LRRK1: variants seen among roughly 807,000 people sequenced by gnomAD.
The protein encoded by LRRK1 is leucine rich repeat kinase 1.
LRRK1 carries 113 observed loss-of-function variants against 209.1 expected under a neutral mutation model. That is an observed-to-expected ratio of 0.54 (90% CI 0.46 to 0.63). The LOEUF is 0.63. Ranked by LOEUF, LRRK1 falls within the 30% of genes least tolerant of loss-of-function variation. The pLI, the probability that LRRK1 is intolerant of heterozygous loss-of-function variation, is 0.00. For missense variants in LRRK1, 2,284 were observed against 2,632.2 expected (o/e 0.87, Z 2.89); for synonymous variants, 1,144 against 1,099.7 (o/e 1.04, Z -0.80).
chr15:101,066,913 C>G (rs8036105), intron 33 of LRRK1, among the ~76,000 whole-genome samples, 172 bp downstream of exon 33: 5,175 of 152,314 alleles, frequency 0.034, 169 homozygotes, highest in African/African-American at 0.085. Context: ...CAGACAGCTC[C>G]TAGGGGCTCC....
chr15:100,951,646 T>G (rs2042654055), intron 2 of LRRK1, among the ~76,000 whole-genome samples: 1 of 152,126 alleles, frequency 6.6e-6, no homozygotes, highest in Non-Finnish European at 1.5e-5. Context: ...AAGTATGAAT[T>G]AATACTTAAT....
intron 10 of LRRK1, among the ~76,000 whole-genome samples, chr15:101,012,363 T>G (rs1199770752): frequency 6.6e-6 from 1 of 152,198 alleles, no homozygotes; most frequent in African/African-American, 2.4e-5. Flanking sequence ...GGTGGGGTTA[T>G]GGTTCGTATC....
chr15:101,003,297 A>G (rs2032791164), intron 6 of LRRK1, among the ~76,000 whole-genome samples: 2 of 152,156 alleles, frequency 1.3e-5, no homozygotes, highest in Non-Finnish European at 2.9e-5. Context: ...TGAGTTTATC[A>G]GATGTCAGTC....
chr15:100,959,969 C>T (rs2042842706), intron 2 of LRRK1, among the ~76,000 whole-genome samples: 1 of 152,072 alleles, frequency 6.6e-6, no homozygotes, highest in African/African-American at 2.4e-5. Flanking sequence ...TTTCCTTGCA[C>T]TCATTTTTGT....
intron 6 of LRRK1, among the ~76,000 whole-genome samples, chr15:100,998,483 T>C (rs2032531570): frequency 6.6e-6 from 1 of 152,196 alleles, no homozygotes; most frequent in African/African-American, 2.4e-5. Flanking sequence ...GGGTTATTTG[T>C]TTGGGTGACA....
At position 100,989,364 on chromosome 15, in the gene LRRK1, C is replaced by A. The variant is rs201348332; in HGVS notation, c.728C>A (p.Ala243Asp). 4.3e-6 allele frequency: 7 copies of A among 1,614,110 alleles called. No individual in the cohort carries two copies. The African/African-American group carries it at 6.7e-5, about 15-fold the overall frequency. The part of the protein sequence containing the change: ...KHLLRKYFIE[A>D]SPLPSSYPGK... Reference sequence around the variant, plus strand: ...CTGCTGAGAAAGTACTTCATTGAAGCCAGTCCCTTGCCCAGCAGTTATCCG... The same window carrying A: ...CTGCTGAGAAAGTACTTCATTGAAGACAGTCCCTTGCCCAGCAGTTATCCG... Residue 243 changes from alanine (A) to aspartate (D), a missense_variant, in exon 6 of 34, where the codon GCC becomes GAC. By Grantham distance (126) the Ala-to-Asp change is moderately radical. Coordinates refer to ENST00000388948, the MANE Select transcript of LRRK1 (RefSeq NM_024652.6).
At position 101,022,772 on chromosome 15, in the gene LRRK1, ATT is replaced by A. The variant is rs2033858274; in HGVS notation, c.2067+177_2067+178del. 6.6e-6 allele frequency among the ~76,000 whole-genome samples: 1 copy of A among 151,402 alleles called. No homozygotes were observed. Among genetic ancestry groups the A allele is most frequent in the African/African-American group, 2.4e-5 (1 of 41,218 alleles). On this transcript the variant is annotated intron_variant, in intron 15 of 33. Transcript: ENST00000388948. The surrounding 1 kb of genome is among the most constrained non-coding windows in gnomAD (Gnocchi z 4.0). ...CAGCTTCTGCCAAGAGCAGCGAATC[ATT>A]TCTTAATGTGACTTTGTGATGTTTT...
intron 6 of LRRK1, 38 bp from the exon 7 acceptor site, chr15:101,008,799 A>AC: frequency 3.3e-6 from 5 of 1,496,762 alleles, no homozygotes; most frequent in Non-Finnish European, 4.7e-6. Flanking sequence ...CCCTGAACTC[A>AC]CCCTCCACAT....
At chr15:100,933,756 A>T (rs1425136223) in intron 2 of LRRK1, among the ~76,000 whole-genome samples, 1 of 133,352 alleles carries the variant, frequency 7.5e-6, no homozygotes, top group African/African-American at 2.8e-5. Flanking sequence ...TGGGAAGCAG[A>T]GGTTGCAGTG....
At chr15:100,942,886 C>G (rs73482892) in intron 2 of LRRK1, among the ~76,000 whole-genome samples, 6,045 of 152,114 alleles carry the variant, frequency 0.04, 384 homozygotes, top group African/African-American at 0.14. Context: ...TGCACTCACC[C>G]GGAGACGGCC....
intron 2 of LRRK1, among the ~76,000 whole-genome samples, chr15:100,963,745 C>T (rs548604663): frequency 6.6e-6 from 1 of 152,308 alleles, no homozygotes; most frequent in East Asian, 1.9e-4. Context: ...ACTGCCCTCC[C>T]GCTTTCTGAA....
intron 6 of LRRK1, among the ~76,000 whole-genome samples, chr15:100,996,419 G>A (rs1050726700): frequency 6.6e-6 from 1 of 152,242 alleles, no homozygotes; most frequent in African/African-American, 2.4e-5. Context: ...TCGCTCGTGT[G>A]AACAGAAGAG....
In LRRK1 at chr15:101,069,016, C is replaced by A. The variant is rs533648245; in HGVS notation, c.*168C>A. ...AGAAGTTACTCGCCTGGCGGTGGCT[C>A]CAGGGTTCTCTGGTTCTCTGGAGCA... On this transcript the variant is annotated 3_prime_UTR_variant, in exon 34 of 34. Coordinates refer to ENST00000388948, the MANE Select transcript of LRRK1 (RefSeq NM_024652.6). 1.7e-6 allele frequency: 1 copy of A among 604,162 alleles called. No individual in the cohort carries two copies. The allele number at this position is 604,162 out of a possible 1,614,324, so 37.4% of individuals were successfully genotyped here. A position where few individuals can be genotyped will look rare whatever the true frequency, so the allele number is the denominator to read the frequency against.
At chr15:101,017,786 T>C (rs2033611951) in intron 12 of LRRK1, among the ~76,000 whole-genome samples, 1 of 152,010 alleles carries the variant, frequency 6.6e-6, no homozygotes, top group Non-Finnish European at 1.5e-5. Flanking sequence ...ATGTAATATA[T>C]GACAAAGGCA....
intron 3 of LRRK1, among the ~76,000 whole-genome samples, chr15:100,976,377 G>GAC (rs1385595395): frequency 1.3e-5 from 2 of 152,176 alleles, no homozygotes; most frequent in African/African-American, 4.8e-5. Flanking sequence ...TAGGCAAATA[G>GAC]ACACACACAC....
At chr15:101,054,915 G>T (rs780988935) in intron 26 of LRRK1, 31 bp from the exon 27 acceptor site, 3 of 1,541,734 alleles carry the variant, frequency 1.9e-6, no homozygotes, top group Non-Finnish European at 2.6e-6. Context: ...CTGAAATTTT[G>T]ATACATTTGA....
chr15:100,951,718 G>T (rs1462750973), intron 2 of LRRK1, among the ~76,000 whole-genome samples: 1 of 152,106 alleles, frequency 6.6e-6, no homozygotes. Flanking sequence ...TTGGGAGGCC[G>T]AGACAGGTGG....
At chr15:101,056,711 A>G in intron 27 of LRRK1, 145 bp from the exon 28 acceptor site, 1 of 577,582 alleles carries the variant, frequency 1.7e-6, no homozygotes, top group South Asian at 2.7e-5. Context: ...GGATGGATAA[A>G]TGGATAGAGG....
intron 2 of LRRK1, among the ~76,000 whole-genome samples, chr15:100,934,232 C>T (rs2042255285): frequency 1.3e-5 from 2 of 152,138 alleles, no homozygotes; most frequent in South Asian, 2.1e-4. Context: ...AAAGCAACTT[C>T]CTAGGATACT....
Sources: allele counts gnomAD v4.1 joint callset (sites outside exome capture counted in the v4.1 genomes callset), GRCh38; gene constraint gnomAD v4.1.1; non-coding constraint Gnocchi (gnomAD v3.1); transcripts MANE v1.5; gene names NCBI Gene and HGNC (gene_info 2026-07-23, HGNC 2026-07-21).